PLXNA4: variants seen among roughly 807,000 people sequenced by gnomAD.
PLXNA4 encodes the protein plexin A4, also known as plexin-A4.
In PLXNA4, 44 loss-of-function variants were observed where a neutral mutation model predicts 191.8. The observed-to-expected ratio is 0.23, with a 90% confidence interval of 0.18 to 0.29. PLXNA4 has a LOEUF of 0.29. Among genes scored for constraint, PLXNA4 ranks in the 10% least tolerant of loss-of-function variants. PLXNA4 has a pLI of 1.00. For synonymous variants in PLXNA4, 1,082 were observed against 1,009.5 expected (o/e 1.07, Z -1.36); for missense variants, 1,800 against 2,488.8 (o/e 0.72, Z 5.89).
At chr7:132,185,591 C>A in intron 15 of PLXNA4, 128 bp from the exon 16 acceptor site, 1 of 1,349,894 alleles carries the variant, frequency 7.4e-7, no homozygotes. Context: ...TGCTCTCAGA[C>A]AGAAAACTGG....
intron 14 of PLXNA4, among the ~76,000 whole-genome samples, chr7:132,193,142 G>A (rs1797146093): frequency 6.6e-6 from 1 of 152,172 alleles, no homozygotes; most frequent in African/African-American, 2.4e-5. Context: ...CTTTTAAGAG[G>A]TGATTAGTTT....
intron 1 of PLXNA4, among the ~76,000 whole-genome samples, chr7:132,562,654 T>TCTC: frequency 1.0e-5 from 1 of 97,916 alleles, no homozygotes; most frequent in South Asian, 4.6e-4. Flanking sequence ...CTCCTCCTCC[T>TCTC]CCTCCTTCTC....
At chr7:132,399,602 C>A (rs1423304214) in intron 3 of PLXNA4, among the ~76,000 whole-genome samples, 1 of 152,194 alleles carries the variant, frequency 6.6e-6, no homozygotes, top group African/African-American at 2.4e-5. Flanking sequence ...GAAGCAGAAG[C>A]AGGCACACCT....
chr7:132,576,785 C>T (rs978610059), upstream of PLXNA4: 4 of 172,130 alleles, frequency 2.3e-5, no homozygotes, highest in African/African-American at 4.8e-5. The surrounding 1 kb of genome is among the most constrained non-coding windows in gnomAD (Gnocchi z 5.8). Flanking sequence ...GCGGTGGCGA[C>T]GCCGGGCTGC....
rs577371569 is a variant in PLXNA4 at position 132,624,969 on chromosome 7, T to C, written c.-87+20959A>G. Among the ~76,000 whole-genome samples, 46 of 152,304 alleles carry C rather than the reference T, an allele frequency of 3.0e-4. No individual in the cohort carries two copies. In the South Asian group the frequency reaches 8.9e-3, roughly 30 times the overall value. On this transcript the variant is annotated intron_variant, in intron 2 of 4. Coordinates refer to the PLXNA4 transcript ENST00000378539. ...CCCAATTTATTCTCCTTGTATAAAGTAGATAAAATAACTCTTCCCCACAAA... is the reference window on the plus strand; with the variant it reads ...CCCAATTTATTCTCCTTGTATAAAGCAGATAAAATAACTCTTCCCCACAAA...
chr7:132,156,578 G>A (rs1795804810), intron 25 of PLXNA4, among the ~76,000 whole-genome samples: 1 of 152,244 alleles, frequency 6.6e-6, no homozygotes, highest in Non-Finnish European at 1.5e-5. Context: ...AGCAGTGGGA[G>A]AAGAAAGCAC....
At chr7:132,243,793 ATCC>A (rs1451411723) in intron 4 of PLXNA4, among the ~76,000 whole-genome samples, 1 of 151,588 alleles carries the variant, frequency 6.6e-6, no homozygotes, top group African/African-American at 2.4e-5. Flanking sequence ...TAATATCCCA[ATCC>A]TCCTTGTACT....
At chr7:132,431,888 C>T (rs1432124198) in intron 3 of PLXNA4, among the ~76,000 whole-genome samples, 1 of 152,218 alleles carries the variant, frequency 6.6e-6, no homozygotes, top group Admixed American at 6.5e-5. Context: ...GACACGGTTG[C>T]TCACACCTGA....
intron 3 of PLXNA4, among the ~76,000 whole-genome samples, chr7:132,334,185 A>G (rs1368904296): frequency 6.7e-6 from 1 of 149,978 alleles, no homozygotes; most frequent in African/African-American, 2.5e-5. Flanking sequence ...TCATGATTAT[A>G]TTCAAACAGA....
chr7:132,434,707 G>T (rs569735410), intron 3 of PLXNA4, among the ~76,000 whole-genome samples: 2 of 152,290 alleles, frequency 1.3e-5, no homozygotes, highest in South Asian at 2.1e-4. Flanking sequence ...GGACACCAAG[G>T]CACACAGACC....
rs191366783 is a variant in PLXNA4 at position 132,514,909 on chromosome 7, G to A, written c.-86-6130C>T. ...AAATTTGAAACACACTTTCAGAGACGGTGCATACCTGTTGTTTTTGCTGTC... is the reference window on the plus strand; with the variant it reads ...AAATTTGAAACACACTTTCAGAGACAGTGCATACCTGTTGTTTTTGCTGTC... On this transcript the variant is annotated intron_variant, in intron 1 of 31. Coordinates refer to ENST00000321063, the MANE Select transcript of PLXNA4 (RefSeq NM_020911.2). Among the ~76,000 whole-genome samples the A allele has an allele frequency of 2.0e-3, 307 of 152,172 alleles. 1 individual carries two copies. The highest frequency in any genetic ancestry group is 6.4e-3 in the African/African-American group (267 of 41,510).
intron 3 of PLXNA4, among the ~76,000 whole-genome samples, chr7:132,425,167 C>T (rs1049524774): frequency 4.6e-5 from 7 of 152,234 alleles, no homozygotes; most frequent in Non-Finnish European, 7.3e-5. Flanking sequence ...ATCTCTTCTA[C>T]GTCTCCCTAG....
intron 5 of PLXNA4, among the ~76,000 whole-genome samples, chr7:132,229,888 T>C (rs1798466958): frequency 6.6e-6 from 1 of 151,992 alleles, no homozygotes; most frequent in Non-Finnish European, 1.5e-5. Flanking sequence ...CTATGGGGGT[T>C]TCTCCTCCTA....
intron 3 of PLXNA4, among the ~76,000 whole-genome samples, chr7:132,339,011 G>A (rs958943712): frequency 6.6e-6 from 1 of 152,146 alleles, no homozygotes; most frequent in African/African-American, 2.4e-5. Flanking sequence ...TGAAGAGGAG[G>A]AATGGAAGCC....
rs1437951583 is a variant in PLXNA4 at position 132,123,910 on chromosome 7, C to T, written c.*6569G>A. 6.6e-6 allele frequency: 1 copy of T among 152,282 alleles called. No individual in the cohort carries two copies. Among genetic ancestry groups the T allele is most frequent in the African/African-American group, 2.4e-5 (1 of 41,468 alleles). 9.4% of individuals were successfully genotyped at this position (152,282 alleles called of 1,614,324 possible). On this transcript the variant is annotated 3_prime_UTR_variant, in exon 32 of 32. Transcript: ENST00000321063. ...GGCTGGGCCAAAACCCCTGCATCAT[C>T]CCCACACGTCGGCTCGCTGAGCCAT...
At chr7:132,484,777 T>C (rs1797479271) in intron 3 of PLXNA4, 2 of 1,611,826 alleles carry the variant, frequency 1.2e-6, no homozygotes, top group East Asian at 4.5e-5. Context: ...TATGAATATT[T>C]ATTTTTAGTT....
chr7:132,387,286 A>G (rs1805191532), intron 3 of PLXNA4, among the ~76,000 whole-genome samples: 1 of 152,222 alleles, frequency 6.6e-6, no homozygotes, highest in South Asian at 2.1e-4. Context: ...TTCCCAGGCA[A>G]TTTGTATGCA....
chr7:132,550,086 G>T (rs1456644122), intron 1 of PLXNA4, among the ~76,000 whole-genome samples: 1 of 152,152 alleles, frequency 6.6e-6, no homozygotes, highest in Non-Finnish European at 1.5e-5. Flanking sequence ...GTTCTATAAG[G>T]CTAGGGCTAT....
At chr7:132,178,775 A>T (rs555240894) in intron 20 of PLXNA4, among the ~76,000 whole-genome samples, 15 of 110,536 alleles carry the variant, frequency 1.4e-4, no homozygotes, top group Middle Eastern at 0.011. Context: ...ACACACACAC[A>T]GCCTCCAGCA....
Sources: allele counts gnomAD v4.1 joint callset (sites outside exome capture counted in the v4.1 genomes callset), GRCh38; gene constraint gnomAD v4.1.1; non-coding constraint Gnocchi (gnomAD v3.1); transcripts MANE v1.5; gene names NCBI Gene and HGNC (gene_info 2026-07-23, HGNC 2026-07-21).